PCDH15: variants seen among roughly 807,000 people sequenced by gnomAD.
PCDH15 encodes protocadherin-15.
PCDH15 carries 129 observed loss-of-function variants against 178.5 expected under a neutral mutation model. That is an observed-to-expected ratio of 0.72 (90% CI 0.63 to 0.84). The LOEUF (loss-of-function observed/expected upper bound fraction) is 0.84. Among genes scored for constraint, PCDH15 ranks in the 40% least tolerant of loss-of-function variants. The probability of loss-of-function intolerance (pLI) is 0.00; values close to 1 mark genes in which losing one functional copy is unlikely to be tolerated. For missense variants in PCDH15, 2,230 were observed against 2,099.9 expected, an observed-to-expected ratio of 1.06 and a Z score of -1.21; for synonymous variants, 800 against 732.0, an observed-to-expected ratio of 1.09 and a Z score of -1.50.
At chr10:54,477,019 T>A (rs2078321843) in intron 3 of PCDH15, among the ~76,000 whole-genome samples, 2 of 152,108 alleles carry the variant, frequency 1.3e-5, no homozygotes. Flanking sequence ...TTTAATCCAT[T>A]CTCCTTAGTG....
intron 2 of PCDH15, among the ~76,000 whole-genome samples, chr10:55,582,076 G>C (rs531276834): frequency 6.6e-6 from 1 of 152,106 alleles, no homozygotes; most frequent in African/African-American, 2.4e-5. Flanking sequence ...TATGCTAATC[G>C]TGTGGACACG....
upstream of PCDH15, among the ~76,000 whole-genome samples, chr10:54,803,878 TCA>T (rs1299536844): frequency 3.3e-5 from 5 of 152,188 alleles, no homozygotes; most frequent in African/African-American, 1.2e-4. Flanking sequence ...ATTTTAAAAG[TCA>T]CATAATACAG....
intron 2 of PCDH15, among the ~76,000 whole-genome samples, chr10:55,384,706 A>T (rs1837610812): frequency 6.6e-6 from 1 of 152,154 alleles, no homozygotes; most frequent in African/African-American, 2.4e-5. Flanking sequence ...TTATGCTACA[A>T]GATACAAATG....
At chr10:55,181,852 T>C (rs1839658039) in intron 1 of PCDH15, among the ~76,000 whole-genome samples, 4 of 151,988 alleles carry the variant, frequency 2.6e-5, no homozygotes. Flanking sequence ...TAGGATTTTA[T>C]AAATTTAAAA....
chr10:54,493,525 T>C (rs2079811069), intron 3 of PCDH15, among the ~76,000 whole-genome samples: 1 of 152,036 alleles, frequency 6.6e-6, no homozygotes. Context: ...AAGTGTATGT[T>C]TGGAGAGAAC....
intron 1 of PCDH15, among the ~76,000 whole-genome samples, chr10:55,179,280 A>C (rs1049614907): frequency 1.3e-5 from 2 of 152,070 alleles, no homozygotes; most frequent in Non-Finnish European, 2.9e-5. Flanking sequence ...AATGGAAGTT[A>C]GATGCACCTC....
At chr10:54,655,738 A>T (rs2094392366) in intron 2 of PCDH15, 1 of 152,140 alleles carries the variant, frequency 6.6e-6, no homozygotes, top group Admixed American at 6.5e-5. Context: ...TCAAACTGTT[A>T]TCCTACAACC....
rs375256616 is a variant in PCDH15 at position 55,622,130 on chromosome 10, TTA to T, written c.-156+5493_-156+5494del. On this transcript the variant is annotated intron_variant, in intron 2 of 5. Coordinates refer to the PCDH15 transcript ENST00000613346. ...TTATATATATCTATAAATATATATA[TTA>T]TATATATTATATATATCTATAAATA... Among the ~76,000 whole-genome samples, 9 of 60,910 alleles carry T rather than the reference TTA, an allele frequency of 1.5e-4. No homozygotes were observed. The East Asian group carries it at 2.4e-3, about 16-fold the overall frequency. The allele number at this position is 60,910 out of a possible 152,430, so 40.0% of individuals were successfully genotyped here.
intron 3 of PCDH15, among the ~76,000 whole-genome samples, chr10:54,818,210 A>T (rs1237008924): frequency 6.6e-6 from 1 of 152,002 alleles, no homozygotes; most frequent in African/African-American, 2.4e-5. Flanking sequence ...GTTCATTTAG[A>T]TTTAAAAATT....
At chr10:54,770,274 A>C (rs965496711) in intron 1 of PCDH15, among the ~76,000 whole-genome samples, 1 of 152,106 alleles carries the variant, frequency 6.6e-6, no homozygotes, top group African/African-American at 2.4e-5. Context: ...TATTACATTC[A>C]TCTTTCACTC....
intron 2 of PCDH15, among the ~76,000 whole-genome samples, chr10:55,012,127 C>T (rs1564714638): frequency 6.6e-6 from 1 of 151,996 alleles, no homozygotes; most frequent in Non-Finnish European, 1.5e-5. Flanking sequence ...TGTATTGTAT[C>T]TCTTCCTCTT....
chr10:54,328,302 T>G (rs1168548608), intron 7 of PCDH15, among the ~76,000 whole-genome samples: 1 of 152,042 alleles, frequency 6.6e-6, no homozygotes, highest in Non-Finnish European at 1.5e-5. Context: ...TCCATACTTT[T>G]TATATCTTTA....
intron 14 of PCDH15, among the ~76,000 whole-genome samples, chr10:54,152,365 TAC>T (rs1045360065): frequency 6.6e-6 from 1 of 152,160 alleles, no homozygotes; most frequent in Non-Finnish European, 1.5e-5. Flanking sequence ...AGACTTCTTC[TAC>T]AGTTTTATAC....
chr10:54,306,806 C>T (rs576554046), intron 8 of PCDH15, among the ~76,000 whole-genome samples: 3 of 151,032 alleles, frequency 2.0e-5, no homozygotes, highest in African/African-American at 4.8e-5. Flanking sequence ...CAAAGAATTA[C>T]ATCCTGTCTA....
intron 9 of PCDH15, among the ~76,000 whole-genome samples, chr10:54,230,054 G>A (rs1224817140): frequency 6.6e-6 from 1 of 152,130 alleles, no homozygotes; most frequent in East Asian, 1.9e-4. Flanking sequence ...TCAGTTCTGG[G>A]ATCAGGCCTT....
intron 21 of PCDH15, chr10:53,994,717 T>A (rs2091739844): frequency 1.3e-5 from 2 of 152,116 alleles, no homozygotes; most frequent in Non-Finnish European, 1.5e-5. Context: ...AGCCCACCAC[T>A]TTCATATTAA....
intron 1 of PCDH15, among the ~76,000 whole-genome samples, chr10:54,676,978 T>G (rs1374635049): frequency 6.6e-6 from 1 of 152,160 alleles, no homozygotes; most frequent in Non-Finnish European, 1.5e-5. Context: ...GATTTTGAAG[T>G]TGCAGTTTTA....
intron 1 of PCDH15, among the ~76,000 whole-genome samples, chr10:54,669,482 A>G (rs2094623559): frequency 6.6e-6 from 1 of 151,286 alleles, no homozygotes; most frequent in African/African-American, 2.4e-5. Flanking sequence ...AGAAGTATAT[A>G]TTTTATTTAA....
chr10:54,206,261 A>G (rs1312932919), intron 10 of PCDH15, among the ~76,000 whole-genome samples: 2 of 152,114 alleles, frequency 1.3e-5, no homozygotes, highest in Non-Finnish European at 2.9e-5. Context: ...TGAATGATTT[A>G]AAGAAAAAAT....
Sources: allele counts gnomAD v4.1 joint callset (sites outside exome capture counted in the v4.1 genomes callset), GRCh38; gene constraint gnomAD v4.1.1; transcripts MANE v1.5; gene names NCBI Gene and HGNC (gene_info 2026-07-23, HGNC 2026-07-21).